The following APP variants were observed in gnomAD, a reference collection of about 807,000 sequenced individuals.
The protein encoded by APP is amyloid beta precursor protein.
APP carries 31 observed loss-of-function variants against 101.4 expected under a neutral mutation model. The observed-to-expected ratio is 0.31, with a 90% CI of 0.23 to 0.41. The LOEUF (loss-of-function observed/expected upper bound fraction) is 0.41. APP is among the 10% of genes least tolerant of loss of function. APP has a pLI of 1.00. For missense variants in APP, 839 were observed against 1,003.7 expected (o/e 0.84, Z 2.22); for synonymous variants, 366 against 364.4 (o/e 1.00, Z -0.05).
At chr21:25,912,190 TGGCAGGACTGCA>T (rs1309003695) in intron 13 of APP, among the ~76,000 whole-genome samples, 2 of 152,232 alleles carry the variant, frequency 1.3e-5, no homozygotes, top group Non-Finnish European at 2.9e-5. Context: ...CAAGAGCTGC[TGGCAGGACTGCA>T]GGCAGGAGCA....
At chr21:26,046,970 C>T (rs959324891) in intron 5 of APP, among the ~76,000 whole-genome samples, 7 of 152,110 alleles carry the variant, frequency 4.6e-5, no homozygotes, top group African/African-American at 1.7e-4. Context: ...CATTATGCTA[C>T]ATAATGTTAG....
At chr21:25,983,302 G>A (rs1019557420) in intron 8 of APP, among the ~76,000 whole-genome samples, 1 of 152,086 alleles carries the variant, frequency 6.6e-6, no homozygotes, top group East Asian at 1.9e-4. Context: ...AAAGAATTTT[G>A]ACTTAAGAGG....
At chr21:26,149,029 G>C (rs1330253059) in intron 1 of APP, among the ~76,000 whole-genome samples, 1 of 152,212 alleles carries the variant, frequency 6.6e-6, no homozygotes, top group African/African-American at 2.4e-5. Flanking sequence ...GGGAGGGGGA[G>C]AGAAGACACC....
chr21:26,011,934 C>T (rs191224890), intron 6 of APP, among the ~76,000 whole-genome samples: 1 of 152,170 alleles, frequency 6.6e-6, no homozygotes, highest in Non-Finnish European at 1.5e-5. Context: ...ACCCTACTCT[C>T]ATAGTTAAAA....
chr21:26,047,051 A>G (rs978178215), intron 5 of APP, among the ~76,000 whole-genome samples: 1 of 152,206 alleles, frequency 6.6e-6, no homozygotes, highest in Non-Finnish European at 1.5e-5. Context: ...GAATATGACC[A>G]TTACAACACT....
intron 5 of APP, among the ~76,000 whole-genome samples, chr21:26,046,659 T>C (rs889252803): frequency 1.3e-5 from 2 of 152,120 alleles, no homozygotes; most frequent in Non-Finnish European, 2.9e-5. Context: ...TAATTAAAGA[T>C]TGTTTCTTAA....
chr21:26,116,686 G>A (rs893679197), intron 1 of APP, among the ~76,000 whole-genome samples: 3 of 152,136 alleles, frequency 2.0e-5, no homozygotes, highest in African/African-American at 7.2e-5. Flanking sequence ...GGTCCTGTTT[G>A]GCAAGGAGAG....
intron 13 of APP, among the ~76,000 whole-genome samples, chr21:25,946,375 A>G (rs1209434895): frequency 1.3e-5 from 2 of 152,228 alleles, no homozygotes; most frequent in South Asian, 2.1e-4. Context: ...CAACTCAATA[A>G]TAACAGCAGG....
At chr21:26,104,793 T>C (rs969546878) in intron 2 of APP, among the ~76,000 whole-genome samples, 1 of 152,178 alleles carries the variant, frequency 6.6e-6, no homozygotes, top group Admixed American at 6.5e-5. Context: ...AGCAATCCTT[T>C]GGAAAAACAA....
chr21:25,956,509 A>G (rs754774296), intron 11 of APP, among the ~76,000 whole-genome samples: 6 of 152,332 alleles, frequency 3.9e-5, no homozygotes, highest in Non-Finnish European at 8.8e-5. Flanking sequence ...TTTCATCACT[A>G]TATGCATTCC....
rs371324252 is a variant in APP at position 26,089,934 on chromosome 21, C to T, written c.355+9G>A. 124 of 1,613,902 alleles carry T rather than the reference C, an allele frequency of 7.7e-5. No individual in the cohort carries two copies. The East Asian group carries it at 2.1e-3, about 27-fold the overall frequency. ...CAATCAACACCAGCCCCACGGCCGGCCGGCTCACCTAAGCAGCGGTAGGGA... is the reference window on the plus strand; with the variant it reads ...CAATCAACACCAGCCCCACGGCCGGTCGGCTCACCTAAGCAGCGGTAGGGA... On this transcript the variant is annotated intron_variant, in intron 3 of 17. Transcript: ENST00000346798.
chr21:25,917,461 C>G (rs1035169498), intron 13 of APP, among the ~76,000 whole-genome samples: 1 of 152,030 alleles, frequency 6.6e-6, no homozygotes, highest in African/African-American at 2.4e-5. Flanking sequence ...AGAAAAATAG[C>G]CTTATAAATA....
rs769486659 is a variant in APP at position 25,911,785 on chromosome 21, T to A, written c.1865A>T (p.His622Leu). ...EFSLDDLQPW[H>L]SFGADSVPAN... ...TGGCACAGAGTCAGCCCCAAAAGAA[T>A]GCCACGGCTGGAGATCGTCCAGGCT... Residue 622 changes from histidine to leucine, a missense_variant, in exon 14 of 18, where the codon CAT becomes CTT. Transcript: ENST00000346798. The A allele has an allele frequency of 6.2e-7, 1 of 1,614,142 alleles. No individual in the cohort carries two copies. Among genetic ancestry groups the A allele is most frequent in the South Asian group, 1.1e-5 (1 of 91,082 alleles).
At position 25,897,760 on chromosome 21, in the gene APP, ACTT is replaced by A. The variant is rs1254455818; in HGVS notation, c.1964-90_1964-88del. 9.7e-6 allele frequency: 11 copies of A among 1,128,938 alleles called. No individual in the cohort carries two copies. In the East Asian group the frequency reaches 2.1e-4, roughly 22 times the overall value. The allele number at this position is 1,128,938 out of a possible 1,614,324, so 69.9% of individuals were successfully genotyped here. ...CACTGTAAGACAAAGCCTACCCAAA[ACTT>A]CTTTCTAGGCCTGAAGTTAGAAGAA... is the stretch of plus-strand genomic sequence containing the variant. On this transcript the variant is annotated intron_variant, in intron 15 of 17. Coordinates refer to ENST00000346798, the MANE Select transcript of APP (RefSeq NM_000484.4).
intron 1 of APP, among the ~76,000 whole-genome samples, chr21:26,153,852 C>A (rs1019010412): frequency 5.9e-5 from 9 of 152,190 alleles, no homozygotes; most frequent in Non-Finnish European, 2.9e-5. Flanking sequence ...AGTTATATGA[C>A]TAAGCAAACT....
intron 3 of APP, among the ~76,000 whole-genome samples, chr21:26,066,951 A>G (rs1165100703): frequency 6.6e-6 from 1 of 152,214 alleles, no homozygotes; most frequent in Non-Finnish European, 1.5e-5. Flanking sequence ...TTAAAACTTA[A>G]CATAATTTGA....
At chr21:25,915,013 A>G (rs2146331664) in intron 13 of APP, among the ~76,000 whole-genome samples, 1 of 152,332 alleles carries the variant, frequency 6.6e-6, no homozygotes, top group South Asian at 2.1e-4. Context: ...AGTTCCTGAC[A>G]CACAAGAATG....
intron 3 of APP, among the ~76,000 whole-genome samples, chr21:26,077,409 A>G (rs914050677): frequency 6.6e-6 from 1 of 152,130 alleles, no homozygotes; most frequent in Non-Finnish European, 1.5e-5. Context: ...GAACGCTCAT[A>G]CTTAGGCGTA....
Position 25,882,535 on chromosome 21 carries a change from T to A in APP, c.2212-764A>T, listed in dbSNP as rs150109412. Reference sequence around the variant, plus strand: ...AGGTCAGGCCAGTAACTGAAGACGTTTTTCTCCCCCTGTCACTGTTAGAGC... The same window carrying A: ...AGGTCAGGCCAGTAACTGAAGACGTATTTCTCCCCCTGTCACTGTTAGAGC... On this transcript the variant is annotated intron_variant, in intron 17 of 17. Coordinates refer to ENST00000346798, the MANE Select transcript of APP (RefSeq NM_000484.4). Among the ~76,000 whole-genome samples, 253 of 151,840 alleles carry A rather than the reference T, an allele frequency of 1.7e-3. 1 individual carries two copies. The highest frequency in any genetic ancestry group is 0.01 in the Middle Eastern group (3 of 294).
Sources: gnomAD v4.1 joint callset for allele counts (sites outside exome capture counted in the v4.1 genomes callset) on GRCh38, gnomAD v4.1.1 for gene constraint, MANE v1.5 for transcripts, NCBI Gene and HGNC (gene_info 2026-07-23, HGNC 2026-07-21) for gene names.